The following OTC variants were observed in gnomAD, a reference collection of about 807,000 sequenced individuals.
OTC encodes ornithine transcarbamylase.
In OTC, 3 loss-of-function variants were observed where a neutral mutation model predicts 30.3. The ratio of observed to expected loss-of-function variants is 0.10; its 90% confidence interval spans 0.05 to 0.26. OTC has a LOEUF of 0.26. Among genes scored for constraint, OTC ranks in the 10% least tolerant of loss-of-function variants. The pLI is 1.00. For synonymous variants in OTC, 111 were observed against 99.7 expected (o/e 1.11, Z -0.67); for missense variants, 194 against 260.3 (o/e 0.75, Z 1.75).
chrX:38,411,028 A>G (rs2068539592), intron 8 of OTC, among the ~76,000 whole-genome samples: 1 of 111,868 alleles, frequency 8.9e-6, no homozygotes, highest in South Asian at 3.7e-4. Flanking sequence ...TAAAACTGCT[A>G]GTACATTTGC....
At chrX:38,341,894 T>A in the OTC span, among the ~76,000 whole-genome samples, 1 of 110,473 alleles carries the variant, frequency 9.1e-6, no homozygotes, top group Non-Finnish European at 1.9e-5. Context: ...AAGCACTGTT[T>A]CCTTTTTATT....
chrX:38,407,423 G>A (rs775939601), intron 6 of OTC, among the ~76,000 whole-genome samples: 16 of 112,048 alleles, frequency 1.4e-4, no homozygotes, highest in Non-Finnish European at 2.4e-4. Context: ...ATACCACAGC[G>A]TTCACCACAA....
intron 3 of OTC, among the ~76,000 whole-genome samples, chrX:38,377,809 C>T (rs62589196): frequency 0.15 from 16,692 of 111,092 alleles, 1,349 homozygotes; most frequent in Middle Eastern, 0.25. Flanking sequence ...ACCTCTGCAC[C>T]GTCCACACTA....
chrX:38,396,121 T>A (rs910060985), intron 4 of OTC, among the ~76,000 whole-genome samples: 1 of 101,942 alleles, frequency 9.8e-6, no homozygotes, highest in African/African-American at 3.7e-5. Context: ...CCCGGCTAAT[T>A]TTTTTTTTTT....
intron 1 of OTC, among the ~76,000 whole-genome samples, chrX:38,362,559 A>G (rs2068277438): frequency 8.9e-6 from 1 of 112,464 alleles, no homozygotes; most frequent in African/African-American, 3.2e-5. Context: ...GAAAGCTTCA[A>G]GCAGGATGTT....
At chrX:38,395,975 G>GT (rs530318557) in intron 4 of OTC, 21,586 of 101,608 alleles carry the variant, frequency 0.21, 2,012 homozygotes, top group Middle Eastern at 0.27. Flanking sequence ...AATTGATTCT[G>GT]TTTTTTTTTT....
At chrX:38,352,925 C>T in intron 1 of OTC, 152 bp downstream of exon 1, 2 of 505,646 alleles carry the variant, frequency 4.0e-6, no homozygotes, top group Non-Finnish European at 7.0e-6. Context: ...GCAAAGCTTT[C>T]ATTTCTCAGT....
chrX:38,369,906 G>A, intron 3 of OTC, 29 bp downstream of exon 3: 1 of 1,013,951 alleles, frequency 9.9e-7, no homozygotes, highest in Non-Finnish European at 1.4e-6. Flanking sequence ...TCACACTTGT[G>A]TTGAAGAGAG....
chrX:38,361,071 A>G (rs1180772790), intron 1 of OTC, among the ~76,000 whole-genome samples: 1 of 112,185 alleles, frequency 8.9e-6, no homozygotes, highest in Non-Finnish European at 1.9e-5. Context: ...TGGGAGGCTG[A>G]GGCGGGTGGA....
At chrX:38,381,505 T>C in intron 4 of OTC, 76 bp downstream of exon 4, 1 of 689,061 alleles carries the variant, frequency 1.5e-6, no homozygotes, top group Non-Finnish European at 2.3e-6. Flanking sequence ...AACATAATTC[T>C]CTTTAAATAA....
At chrX:38,367,495 A>G in intron 2 of OTC, 66 bp downstream of exon 2, 1 of 977,581 alleles carries the variant, frequency 1.0e-6, no homozygotes, top group Non-Finnish European at 1.4e-6. Flanking sequence ...CAGCCTTCCC[A>G]AAGAAAGAGG....
intron 1 of OTC, among the ~76,000 whole-genome samples, chrX:38,364,209 T>G (rs758890798): frequency 2.1e-4 from 24 of 112,116 alleles, no homozygotes; most frequent in Non-Finnish European, 4.1e-4. Flanking sequence ...TCGTGTATGT[T>G]TTGTTATGTA....
chrX:38,332,501 A>AC, the OTC span, among the ~76,000 whole-genome samples: 1 of 16,114 alleles, frequency 6.2e-5, no homozygotes, highest in African/African-American at 3.2e-4. Flanking sequence ...GTAGCCCTAG[A>AC]TTTTATATAT....
At chrX:38,350,586 G>A (rs1284732039), upstream of OTC, among the ~76,000 whole-genome samples, 1 of 111,724 alleles carries the variant, frequency 9.0e-6, no homozygotes, top group East Asian at 2.8e-4. Flanking sequence ...TCATTGAGAT[G>A]CCCTGCCTTT....
chrX:38,344,871 C>T, the OTC span, among the ~76,000 whole-genome samples: 1 of 107,958 alleles, frequency 9.3e-6, no homozygotes, highest in African/African-American at 3.4e-5. Flanking sequence ...CAAAACTAAA[C>T]ATTAAGAAAA....
chrX:38,381,387 A>T lies in OTC; in HGVS notation c.344A>T (p.Asp115Val). The T allele has an allele frequency of 8.3e-7, 1 of 1,203,384 alleles. No homozygotes were observed. Among genetic ancestry groups the T allele is most frequent in the Non-Finnish European group, 1.1e-6 (1 of 888,131 alleles). The change falls in exon 4 of 10, where the codon GAT (aspartate) becomes GTT (valine). Residue 115 changes from aspartate to valine, a missense_variant. Transcript: ENST00000039007. Reference protein sequence around the residue: ...GGHPCFLTTQDIHLGVNESLT... With the variant: ...GGHPCFLTTQVIHLGVNESLT... The stretch of plus-strand genomic sequence containing the variant: ...CATCCTTGTTTTCTTACCACACAAG[A>T]TATTCATTTGGGTGTGAATGAAAGT...
At chrX:38,408,340 T>C (rs2068525457) in intron 6 of OTC, among the ~76,000 whole-genome samples, 1 of 111,418 alleles carries the variant, frequency 9.0e-6, no homozygotes, top group African/African-American at 3.3e-5. Flanking sequence ...GTTATCCACA[T>C]GGAATGGGTG....
At chrX:38,394,127 A>G (rs2068443067) in intron 4 of OTC, among the ~76,000 whole-genome samples, 1 of 112,443 alleles carries the variant, frequency 8.9e-6, no homozygotes, top group African/African-American at 3.2e-5. Flanking sequence ...TAGGACATGG[A>G]CATCTTTGGG....
At chrX:38,367,254 A>C in intron 1 of OTC, 37 bp from the exon 2 acceptor site, 2 of 1,152,728 alleles carry the variant, frequency 1.7e-6, no homozygotes, top group Non-Finnish European at 2.4e-6. Context: ...GTCTTTTCTG[A>C]AATACATATT....
Sources: allele counts gnomAD v4.1 joint callset (sites outside exome capture counted in the v4.1 genomes callset), GRCh38; gene constraint gnomAD v4.1.1; transcripts MANE v1.5; gene names NCBI Gene and HGNC (gene_info 2026-07-23, HGNC 2026-07-21).